KCNH8: variants seen among roughly 807,000 people sequenced by gnomAD.
KCNH8 encodes potassium voltage-gated channel subfamily H member 8.
KCNH8 carries 70 observed loss-of-function variants against 103.6 expected under a neutral mutation model. That is an observed-to-expected ratio of 0.68 (90% CI 0.56 to 0.82). The LOEUF (loss-of-function observed/expected upper bound fraction) is 0.82. Ranked by LOEUF, KCNH8 falls within the 40% of genes least tolerant of loss-of-function variation. KCNH8 has a pLI of 0.00. For synonymous variants in KCNH8, 498 were observed against 489.4 expected (o/e 1.02, Z -0.23); for missense variants, 1,217 against 1,329.9 (o/e 0.92, Z 1.32).
At chr3:19,238,317 G>C (rs907918302) in intron 1 of KCNH8, among the ~76,000 whole-genome samples, 1 of 152,140 alleles carries the variant, frequency 6.6e-6, no homozygotes, top group African/African-American at 2.4e-5. Context: ...GACAAACCTA[G>C]AATAAGAGTG....
chr3:19,308,846 T>C (rs984279361), intron 3 of KCNH8, among the ~76,000 whole-genome samples: 4 of 147,370 alleles, frequency 2.7e-5, no homozygotes, highest in Non-Finnish European at 6.0e-5. Flanking sequence ...TTCTCCCTCT[T>C]TCTCAGAGCA....
At chr3:19,232,493 A>C (rs2064007699) in intron 1 of KCNH8, among the ~76,000 whole-genome samples, 1 of 152,190 alleles carries the variant, frequency 6.6e-6, no homozygotes, top group Non-Finnish European at 1.5e-5. Flanking sequence ...TTTAATGTCC[A>C]AGCTTGTATA....
chr3:19,428,967 C>T (rs887096557), intron 7 of KCNH8, among the ~76,000 whole-genome samples: 1 of 151,968 alleles, frequency 6.6e-6, no homozygotes, highest in African/African-American at 2.4e-5. Context: ...AATGACTGTG[C>T]CCCCCTTTAG....
At position 19,170,100 on chromosome 3, in the gene KCNH8, A is replaced by G. The variant is rs548777455; in HGVS notation, c.76+21305A>G. On this transcript the variant is annotated intron_variant, in intron 1 of 15. Transcript: ENST00000328405. Reference sequence around the variant, plus strand: ...TTCCCTTATTTCACTTTATGTTAATATTTCATGCTATCAAATTTTTGTGAC... The same window carrying G: ...TTCCCTTATTTCACTTTATGTTAATGTTTCATGCTATCAAATTTTTGTGAC... 4.6e-5 allele frequency among the ~76,000 whole-genome samples: 7 copies of G among 152,276 alleles called. No individual in the cohort carries two copies. The South Asian group carries it at 1.2e-3, about 27-fold the overall frequency.
intron 3 of KCNH8, among the ~76,000 whole-genome samples, chr3:19,336,426 A>G (rs549367550): frequency 6.6e-6 from 1 of 151,912 alleles, no homozygotes; most frequent in Non-Finnish European, 1.5e-5. Context: ...TTGCCTTTGC[A>G]GAACAAAATC....
chr3:19,291,268 T>G lies in KCNH8; in HGVS notation c.442+9939T>G, dbSNP rs201885500. Among the ~76,000 whole-genome samples the G allele has an allele frequency of 3.3e-3, 505 of 152,318 alleles. 23 individuals are homozygous for G. In the East Asian group the frequency reaches 0.084, roughly 25 times the overall value. On this transcript the variant is annotated intron_variant, in intron 3 of 15. Transcript: ENST00000328405. The stretch of plus-strand genomic sequence containing the variant: ...TTCAGTTCTACTCTGATCTTAGTTA[T>G]TTCTTGCCTTCTGCTAGCTTTTGAA...
chr3:19,442,630 C>A (rs2067299951), intron 8 of KCNH8, among the ~76,000 whole-genome samples: 1 of 152,050 alleles, frequency 6.6e-6, no homozygotes, highest in Non-Finnish European at 1.5e-5. Context: ...TGGTAAGTGG[C>A]ATTAAAAAAT....
intron 5 of KCNH8, among the ~76,000 whole-genome samples, chr3:19,375,477 C>G (rs1228245782): frequency 9.3e-5 from 14 of 150,838 alleles, no homozygotes; most frequent in African/African-American, 3.2e-4. Flanking sequence ...AAGCACTTCT[C>G]TGTATTGGTT....
At chr3:19,456,699 A>T in intron 10 of KCNH8, 69 bp from the exon 11 acceptor site, 1 of 989,308 alleles carries the variant, frequency 1.0e-6, no homozygotes, top group Non-Finnish European at 1.6e-6. Context: ...GAAGCCTGTA[A>T]GTCAAATGAG....
chr3:19,341,072 C>G (rs2065653220), intron 3 of KCNH8, among the ~76,000 whole-genome samples: 1 of 152,086 alleles, frequency 6.6e-6, no homozygotes, highest in African/African-American at 2.4e-5. Flanking sequence ...TTCCAGTTCT[C>G]TTTTCTTGAT....
chr3:19,412,207 G>A (rs191687468), intron 7 of KCNH8, among the ~76,000 whole-genome samples: 48 of 152,036 alleles, frequency 3.2e-4, no homozygotes, highest in African/African-American at 1.1e-3. Context: ...ATAAACCAAT[G>A]GGAAAGAGTA....
At chr3:19,440,507 G>A (rs760839144) in intron 8 of KCNH8, among the ~76,000 whole-genome samples, 1 of 152,152 alleles carries the variant, frequency 6.6e-6, no homozygotes, top group Non-Finnish European at 1.5e-5. Flanking sequence ...AAGAGAGCAC[G>A]TGCAGGGGAA....
At chr3:19,271,590 A>G (rs139970671) in intron 2 of KCNH8, among the ~76,000 whole-genome samples, 1 of 152,316 alleles carries the variant, frequency 6.6e-6, no homozygotes, top group East Asian at 1.9e-4. Flanking sequence ...CATTACATAT[A>G]CAGGTAAAGC....
At chr3:19,412,607 G>A (rs773734842) in intron 7 of KCNH8, among the ~76,000 whole-genome samples, 8 of 151,898 alleles carry the variant, frequency 5.3e-5, no homozygotes, top group Non-Finnish European at 7.4e-5. Flanking sequence ...ACAACCTACC[G>A]AATGGGAGAA....
At chr3:19,410,448 T>C (rs537675520) in intron 7 of KCNH8, among the ~76,000 whole-genome samples, 32 of 152,190 alleles carry the variant, frequency 2.1e-4, no homozygotes, top group Non-Finnish European at 3.4e-4. Context: ...GTTAAAAATA[T>C]CTCATTTTAA....
chr3:19,504,086 T>C (rs1224758562), intron 11 of KCNH8, among the ~76,000 whole-genome samples: 2 of 152,098 alleles, frequency 1.3e-5, no homozygotes, highest in Non-Finnish European at 2.9e-5. Context: ...AAACCAGCAA[T>C]GGGGAAAGGA....
chr3:19,400,674 C>A (rs914624283), intron 7 of KCNH8, among the ~76,000 whole-genome samples: 14 of 151,840 alleles, frequency 9.2e-5, no homozygotes, highest in African/African-American at 3.1e-4. Flanking sequence ...GGGATTAAGT[C>A]AGACATCATT....
At chr3:19,162,379 T>A (rs372500994) in intron 1 of KCNH8, among the ~76,000 whole-genome samples, 1 of 147,556 alleles carries the variant, frequency 6.8e-6, no homozygotes, top group East Asian at 2.0e-4. Flanking sequence ...AAAAAAAGTA[T>A]CTGGGCATGG....
chr3:19,407,871 G>A (rs917383112), intron 7 of KCNH8, among the ~76,000 whole-genome samples: 2 of 152,100 alleles, frequency 1.3e-5, no homozygotes, highest in African/African-American at 2.4e-5. Context: ...TGAAGCCAAG[G>A]TTTCTCAGCT....
Sources: gnomAD v4.1 joint callset for allele counts (sites outside exome capture counted in the v4.1 genomes callset) on GRCh38, gnomAD v4.1.1 for gene constraint, MANE v1.5 for transcripts, NCBI Gene and HGNC (gene_info 2026-07-23, HGNC 2026-07-21) for gene names.